The following DLGAP4 variants were observed in gnomAD, a reference collection of about 807,000 sequenced individuals.
The protein encoded by DLGAP4 is DLG associated protein 4, also known as disks large-associated protein 4.
DLGAP4 carries 18 observed loss-of-function variants against 86.9 expected under a neutral mutation model. The observed-to-expected ratio is 0.21, with a 90% CI of 0.14 to 0.31. The LOEUF is 0.31. Among genes scored for constraint, DLGAP4 ranks in the 10% least tolerant of loss-of-function variants. DLGAP4 has a pLI of 1.00. For missense variants in DLGAP4, 1,085 were observed against 1,362.6 expected, an observed-to-expected ratio of 0.80 and a Z score of 3.21; for synonymous variants, 548 against 574.3, an observed-to-expected ratio of 0.95 and a Z score of 0.65.
At chr20:36,489,039 C>G (rs1027063752) in intron 7 of DLGAP4, among the ~76,000 whole-genome samples, 1 of 152,164 alleles carries the variant, frequency 6.6e-6, no homozygotes, top group African/African-American at 2.4e-5. Flanking sequence ...TATGTAGGTG[C>G]CATTTTAAAC....
intron 7 of DLGAP4, among the ~76,000 whole-genome samples, chr20:36,451,109 C>A (rs781579203): frequency 6.6e-6 from 1 of 152,204 alleles, no homozygotes; most frequent in Non-Finnish European, 1.5e-5. Context: ...GCATCTTGAA[C>A]GGTCTTACTC....
intron 2 of DLGAP4, among the ~76,000 whole-genome samples, chr20:36,416,918 C>T (rs559272266): frequency 4.6e-5 from 7 of 152,294 alleles, no homozygotes; most frequent in Middle Eastern, 6.8e-3. Flanking sequence ...GTCTGACTAC[C>T]TCATTCATTG....
At chr20:36,487,968 G>C (rs1443247407) in intron 7 of DLGAP4, among the ~76,000 whole-genome samples, 1 of 152,188 alleles carries the variant, frequency 6.6e-6, no homozygotes. Flanking sequence ...TTGGGAGGCT[G>C]AGGCGGGTGG....
chr20:36,501,547 G>C (rs2036144615), intron 10 of DLGAP4, among the ~76,000 whole-genome samples: 1 of 151,362 alleles, frequency 6.6e-6, no homozygotes, highest in Non-Finnish European at 1.5e-5. Flanking sequence ...AGGGAGCCTA[G>C]ATTCACAGGT....
chr20:36,487,954 C>T (rs1192071632), intron 7 of DLGAP4, among the ~76,000 whole-genome samples: 1 of 152,142 alleles, frequency 6.6e-6, no homozygotes, highest in Non-Finnish European at 1.5e-5. Context: ...GTAATCCCAG[C>T]ACTTTGGGAG....
chr20:36,356,354 C>A (rs1300765524), intron 1 of DLGAP4, among the ~76,000 whole-genome samples: 2 of 152,216 alleles, frequency 1.3e-5, no homozygotes, highest in Non-Finnish European at 2.9e-5. Context: ...CTCTGTCACC[C>A]AGGCTGGAGT....
Position 36,414,363 on chromosome 20 carries a change from G to A in DLGAP4, c.-72-17283G>A, listed in dbSNP as rs186431304. The stretch of plus-strand genomic sequence containing the variant: ...TGGAGAGCCATCTCTAGGGCTGATC[G>A]GTGCCCGCCCTGCAGCTGTGGCCAG... On this transcript the variant is annotated intron_variant, in intron 2 of 12. Transcript: ENST00000339266. 5.9e-3 allele frequency among the ~76,000 whole-genome samples: 899 copies of A among 152,322 alleles called. 6 individuals carry two copies. Among genetic ancestry groups the A allele is most frequent in the Middle Eastern group, 0.02 (6 of 294 alleles).
intron 10 of DLGAP4, among the ~76,000 whole-genome samples, chr20:36,509,624 C>T (rs1465139004): frequency 6.6e-6 from 1 of 152,014 alleles, no homozygotes; most frequent in Non-Finnish European, 1.5e-5. Context: ...GTGGTGTACA[C>T]CTGTAGTCCC....
chr20:36,328,311 C>T (rs1262040251), intron 1 of DLGAP4, among the ~76,000 whole-genome samples: 1 of 152,136 alleles, frequency 6.6e-6, no homozygotes, highest in African/African-American at 2.4e-5. Flanking sequence ...CTCAGCTTCT[C>T]CTGGGCATCT....
At chr20:36,513,504 C>T (rs999512004) in intron 10 of DLGAP4, among the ~76,000 whole-genome samples, 8 of 144,938 alleles carry the variant, frequency 5.5e-5, no homozygotes, top group South Asian at 4.4e-4. Flanking sequence ...GCCGAGATTG[C>T]GCCACTGCAG....
At position 36,432,260 on chromosome 20, in the gene DLGAP4, G is replaced by A. The variant is rs538008245; in HGVS notation, c.543G>A (p.Arg181=). The change falls in exon 3 of 13, where the codon AGG becomes AGA. Residue 181 remains arginine, a synonymous_variant. Coordinates refer to ENST00000339266, the MANE Select transcript of DLGAP4 (RefSeq NM_001365621.2). The surrounding 1 kb of genome is among the most constrained non-coding windows in gnomAD (Gnocchi z 6.5). ...KGGMEDGKGR[R]AKSKERAKAG... Reference sequence around the variant, plus strand: ...GCATGGAGGACGGCAAGGGCCGGAGGGCCAAAAGCAAGGAGCGGGCCAAGG... The same window carrying A: ...GCATGGAGGACGGCAAGGGCCGGAGAGCCAAAAGCAAGGAGCGGGCCAAGG... The A allele has an allele frequency of 1.1e-4, 173 of 1,613,796 alleles. No individual in the cohort carries two copies. In the South Asian group the frequency reaches 1.8e-3, roughly 17 times the overall value.
chr20:36,310,520 C>G (rs1386164207), intron 1 of DLGAP4, among the ~76,000 whole-genome samples: 1 of 152,326 alleles, frequency 6.6e-6, no homozygotes, highest in East Asian at 1.9e-4. Flanking sequence ...GAGGGACCTT[C>G]TGCCTTCCAC....
intron 1 of DLGAP4, among the ~76,000 whole-genome samples, chr20:36,346,565 G>A (rs1325046028): frequency 6.6e-6 from 1 of 152,212 alleles, no homozygotes; most frequent in Non-Finnish European, 1.5e-5. Flanking sequence ...TGTGCCTGGT[G>A]TGTGGTGTGG....
intron 2 of DLGAP4, among the ~76,000 whole-genome samples, chr20:36,409,467 T>C (rs1195933055): frequency 6.7e-6 from 1 of 148,776 alleles, no homozygotes; most frequent in Admixed American, 6.8e-5. Context: ...CAGTGTCTCA[T>C]ACCTGTAATC....
chr20:36,475,175 G>A (rs2034853859), intron 7 of DLGAP4, among the ~76,000 whole-genome samples: 1 of 152,034 alleles, frequency 6.6e-6, no homozygotes, highest in Non-Finnish European at 1.5e-5. Context: ...CTAAAGAGGT[G>A]TGATAATGAA....
At chr20:36,370,662 A>T (rs76953264) in intron 2 of DLGAP4, among the ~76,000 whole-genome samples, 148 of 151,102 alleles carry the variant, frequency 9.8e-4, no homozygotes, top group African/African-American at 2.9e-3. Flanking sequence ...CAAAAAAATT[A>T]AAAAAAAATT....
chr20:36,408,506 G>T (rs1456120693), intron 2 of DLGAP4, among the ~76,000 whole-genome samples: 1 of 152,184 alleles, frequency 6.6e-6, no homozygotes, highest in African/African-American at 2.4e-5. Flanking sequence ...GTTCCTGCAG[G>T]CAGTCACAAG....
intron 2 of DLGAP4, among the ~76,000 whole-genome samples, chr20:36,384,051 G>T (rs1371228545): frequency 7.1e-6 from 1 of 140,480 alleles, no homozygotes; most frequent in African/African-American, 2.6e-5. Context: ...CTTACTAAAT[G>T]TGGGGCAAGT....
intron 2 of DLGAP4, among the ~76,000 whole-genome samples, chr20:36,391,423 A>C (rs2031780905): frequency 6.6e-6 from 1 of 152,186 alleles, no homozygotes; most frequent in Admixed American, 6.5e-5. Flanking sequence ...GGTTCAGAGC[A>C]GCTCTATTCA....
Sources: gnomAD v4.1 joint callset for allele counts (sites outside exome capture counted in the v4.1 genomes callset) on GRCh38, gnomAD v4.1.1 for gene constraint, Gnocchi (gnomAD v3.1) non-coding constraint, MANE v1.5 for transcripts, NCBI Gene and HGNC (gene_info 2026-07-23, HGNC 2026-07-21) for gene names.